Variants in CACNA1G observed in about 807,000 individuals in gnomAD.
The protein encoded by CACNA1G is calcium voltage-gated channel subunit alpha1 G, also known as voltage-dependent T-type calcium channel subunit alpha-1G.
CACNA1G carries 67 observed loss-of-function variants against 219.4 expected under a neutral mutation model. That is an observed-to-expected ratio of 0.31 (90% CI 0.25 to 0.37). The LOEUF is 0.37. Among genes scored for constraint, CACNA1G ranks in the 10% least tolerant of loss-of-function variants. The pLI is 1.00. For missense variants in CACNA1G, 2,380 were observed against 3,231.4 expected, an observed-to-expected ratio of 0.74 and a Z score of 6.39; for synonymous variants, 1,296 against 1,345.3, an observed-to-expected ratio of 0.96 and a Z score of 0.80.
intron 25 of CACNA1G, 47 bp from the exon 26 acceptor site, chr17:50,609,835 G>A (rs1433652611): frequency 6.3e-7 from 1 of 1,585,814 alleles, no homozygotes; most frequent in South Asian, 1.1e-5. Flanking sequence ...GCCCTGCCCA[G>A]CGCACCTGGT....
chr17:50,602,327 C>T (rs1028285112), intron 19 of CACNA1G, among the ~76,000 whole-genome samples: 4 of 152,254 alleles, frequency 2.6e-5, no homozygotes, highest in African/African-American at 9.6e-5. Context: ...GATGGCCTTC[C>T]TCCCTGCCCT....
chr17:50,617,687 T>C lies in CACNA1G; in HGVS notation c.5155+116T>C. On this transcript the variant is annotated intron_variant, in intron 29 of 37. Coordinates refer to ENST00000359106, the MANE Select transcript of CACNA1G (RefSeq NM_018896.5). This position sits in a 1 kb window ranked among gnomAD's most constrained non-coding sequence, Gnocchi z 5.8. ...GCGGCTGTGGGTTCCCATGGGTCTTTCTCCCAGCTTCTGCCAAGGGAGGCT... is the reference window on the plus strand; with the variant it reads ...GCGGCTGTGGGTTCCCATGGGTCTTCCTCCCAGCTTCTGCCAAGGGAGGCT... The C allele has an allele frequency of 6.9e-7, 1 of 1,450,488 alleles. No homozygotes were observed. The highest frequency in any genetic ancestry group is 1.4e-5 in the African/African-American group (1 of 71,564). The allele number at this position is 1,450,488 out of a possible 1,614,324, so 89.9% of individuals were successfully genotyped here.
chr17:50,575,644 G>A lies in CACNA1G; in HGVS notation c.1242G>A (p.Val414=). 3.1e-6 allele frequency: 5 copies of A among 1,613,780 alleles called. No homozygotes were observed. Among genetic ancestry groups the A allele is most frequent in the Non-Finnish European group, 3.4e-6 (4 of 1,179,868 alleles). The part of the protein sequence containing the change: ...RESQLMREQR[V]RFLSNASTLA... ...GCCAGCTGATGCGGGAGCAGCGTGTGCGGTTCCTGTCCAACGCCAGCACCC... is the reference window on the plus strand; with the variant it reads ...GCCAGCTGATGCGGGAGCAGCGTGTACGGTTCCTGTCCAACGCCAGCACCC... The change falls in exon 8 of 38, where the codon GTG becomes GTA. Residue 414 remains valine, a synonymous_variant. Coordinates refer to ENST00000359106, the MANE Select transcript of CACNA1G (RefSeq NM_018896.5).
intron 1 of CACNA1G, 41 bp from the exon 2 acceptor site, chr17:50,568,829 C>T (rs1289892466): frequency 6.5e-7 from 1 of 1,544,436 alleles, no homozygotes; most frequent in African/African-American, 1.4e-5. Flanking sequence ...GGGCCGGCCT[C>T]AGCTCCAGCC....
At position 50,606,200 on chromosome 17, in the gene CACNA1G, C is replaced by T. The variant is rs368121192; in HGVS notation, c.4422+177C>T. On this transcript the variant is annotated intron_variant, in intron 23 of 37. Coordinates refer to ENST00000359106, the MANE Select transcript of CACNA1G (RefSeq NM_018896.5). ...CAAAGCCCAGTCCATCCCACAGTGC[C>T]CCAAAAAGTGGGCCCATGGGGTCTC... The T allele has an allele frequency of 4.6e-5, 43 of 929,684 alleles. No individual in the cohort carries two copies. The highest frequency in any genetic ancestry group is 4.2e-4 in the Middle Eastern group (2 of 4,778). 57.6% of individuals were successfully genotyped at this position (929,684 alleles called of 1,614,324 possible).
chr17:50,583,829 G>A (rs2145204290), intron 9 of CACNA1G, among the ~76,000 whole-genome samples: 1 of 152,324 alleles, frequency 6.6e-6, no homozygotes, highest in Non-Finnish European at 1.5e-5. Context: ...AGCCCAGCGA[G>A]GAAGCCGGTG....
intron 35 of CACNA1G, among the ~76,000 whole-genome samples, chr17:50,623,486 C>T (rs1256744401): frequency 1.3e-5 from 2 of 151,786 alleles, no homozygotes; most frequent in African/African-American, 2.4e-5. Flanking sequence ...CTGTGGACAC[C>T]GGGACTCCCT....
intron 16 of CACNA1G, 76 bp from the exon 17 acceptor site, chr17:50,599,352 C>T: frequency 2.3e-6 from 3 of 1,324,034 alleles, no homozygotes; most frequent in Non-Finnish European, 3.0e-6. Context: ...GTGAGGCTCC[C>T]AGGAGACCGG....
chr17:50,606,392 C>CTGA, intron 23 of CACNA1G: 1 of 598,550 alleles, frequency 1.7e-6, no homozygotes, highest in Non-Finnish European at 3.0e-6. Flanking sequence ...GCTCAATGAC[C>CTGA]TGGAGCAGCT....
chr17:50,624,468 C>A lies in CACNA1G; in HGVS notation c.6338C>A (p.Thr2113Asn), dbSNP rs1064796895. ...LQPHSAPTWG[T>N]IPKLPPPGRS... ...CCCCACAGCGCCCCAACCTGGGGCA[C>A]CATCCCCAAACTGCCCCCACCAGGA... Residue 2113 changes from threonine to asparagine, a missense_variant, in exon 37 of 38, where the codon ACC becomes AAC. By Grantham distance (65) the Thr-to-Asn change is moderately conservative (BLOSUM62 0). Coordinates refer to ENST00000359106, the MANE Select transcript of CACNA1G (RefSeq NM_018896.5). 3.1e-6 allele frequency: 5 copies of A among 1,601,006 alleles called. No individual in the cohort carries two copies. The highest frequency in any genetic ancestry group is 2.7e-5 in the African/African-American group (2 of 74,506).
intron 7 of CACNA1G, among the ~76,000 whole-genome samples, chr17:50,574,915 C>G (rs1432002687): frequency 1.3e-5 from 2 of 152,074 alleles, no homozygotes; most frequent in African/African-American, 4.8e-5. Context: ...GGTTCAGCCC[C>G]TCCCACATCT....
intron 34 of CACNA1G, among the ~76,000 whole-genome samples, chr17:50,620,377 G>T (rs1207965634): frequency 6.6e-6 from 1 of 152,234 alleles, no homozygotes; most frequent in South Asian, 2.1e-4. Flanking sequence ...GAGATAGAAG[G>T]CTCCAGCTGG....
rs375067503 is a variant in CACNA1G, at chr17:50,575,844, G to A, written c.1442G>A (p.Ser481Asn). ...LGGQETQPSS[S>N]CSRSHRRLSV... is the part of the protein sequence containing the mutation. ...GGCCAGGAGACCCAGCCCAGCAGCAGCTGCTCTCGCTCCCACCGCCGCCTA... is the reference window on the plus strand; with the variant it reads ...GGCCAGGAGACCCAGCCCAGCAGCAACTGCTCTCGCTCCCACCGCCGCCTA... Residue 481 changes from serine to asparagine, a missense_variant, in exon 8 of 38, where the codon AGC (serine) becomes AAC (asparagine). This residue lies in a region of CACNA1G where 434 missense variants were observed against 417.3 expected (regional missense o/e 1.04). Transcript: ENST00000359106. 3.9e-5 allele frequency: 60 copies of A among 1,549,492 alleles called. No individual in the cohort carries two copies. Among genetic ancestry groups the A allele is most frequent in the Admixed American group, 1.8e-4 (9 of 51,068 alleles).
chr17:50,618,377 G>A lies in CACNA1G; in HGVS notation c.5427+34G>A, dbSNP rs2051018864. Reference sequence around the variant, plus strand: ...CCAGGGTTGGCCTAGGCTCCAGGGAGGCAGCCCCACTTCCTGAGCTAGGAT... The same window carrying A: ...CCAGGGTTGGCCTAGGCTCCAGGGAAGCAGCCCCACTTCCTGAGCTAGGAT... On this transcript the variant is annotated intron_variant, in intron 32 of 37. Transcript: ENST00000359106. This position sits in a 1 kb window ranked among gnomAD's most constrained non-coding sequence, Gnocchi z 5.3. The A allele has an allele frequency of 1.9e-6, 3 of 1,604,166 alleles. No individual in the cohort carries two copies. The highest frequency in any genetic ancestry group is 1.3e-5 in the African/African-American group (1 of 74,574).
chr17:50,624,049 G>A lies in CACNA1G; in HGVS notation c.6203G>A (p.Gly2068Asp). 1.9e-6 allele frequency: 3 copies of A among 1,612,792 alleles called. No homozygotes were observed. The highest frequency in any genetic ancestry group is 2.5e-6 in the Non-Finnish European group (3 of 1,179,662). ...STAEGPLGHR[G>D]WGLPKAQSGS... is the part of the protein sequence containing the mutation. ...GCCGAGGGGCCCCTGGGACACAGGG[G>A]CTGGGGGCTCCCCAAAGCTCAGTCA... Residue 2068 changes from glycine (G) to aspartate (D), a missense_variant, in exon 36 of 38, where the codon GGC becomes GAC. Gly to Asp is a moderately conservative substitution (Grantham distance 94). Transcript: ENST00000359106.
intron 9 of CACNA1G, among the ~76,000 whole-genome samples, chr17:50,582,247 G>A: frequency 6.6e-6 from 1 of 152,200 alleles, no homozygotes; most frequent in African/African-American, 2.4e-5. Flanking sequence ...TGACCTCTGG[G>A]CTGAGTCTGA....
intron 26 of CACNA1G, among the ~76,000 whole-genome samples, chr17:50,614,169 T>A (rs535738952): frequency 6.6e-6 from 1 of 152,280 alleles, no homozygotes; most frequent in South Asian, 2.1e-4. Context: ...GCTCCTTGCC[T>A]CAGTTTACCT....
At chr17:50,608,891 C>G (rs868736154) in intron 25 of CACNA1G, among the ~76,000 whole-genome samples, 1 of 152,184 alleles carries the variant, frequency 6.6e-6, no homozygotes, top group South Asian at 2.1e-4. Flanking sequence ...CCTGGTACAG[C>G]GTAATCTCCG....
At chr17:50,572,200 A>G (rs1027840156) in intron 5 of CACNA1G, among the ~76,000 whole-genome samples, 163 bp downstream of exon 5, 17 of 152,176 alleles carry the variant, frequency 1.1e-4, no homozygotes, top group Non-Finnish European at 2.2e-4. Flanking sequence ...GGGGAGTTTT[A>G]AAAAGTACTG....
Sources: allele counts gnomAD v4.1 joint callset (sites outside exome capture counted in the v4.1 genomes callset), GRCh38; gene constraint gnomAD v4.1.1; regional missense constraint gnomAD v4.1.1; non-coding constraint Gnocchi (gnomAD v3.1); transcripts MANE v1.5; gene names NCBI Gene and HGNC (gene_info 2026-07-23, HGNC 2026-07-21).